The following SHANK2 variants were observed in gnomAD, a reference collection of about 807,000 sequenced individuals.
SHANK2 encodes SH3 and multiple ankyrin repeat domains protein 2.
A neutral mutation model predicts 133.7 loss-of-function variants in SHANK2; 43 were observed. The ratio of observed to expected loss-of-function variants is 0.32; its 90% confidence interval spans 0.25 to 0.41. The LOEUF is 0.41. Among genes scored for constraint, SHANK2 ranks in the 10% least tolerant of loss-of-function variants. The probability of loss-of-function intolerance (pLI) is 1.00; values close to 1 mark genes in which losing one functional copy is unlikely to be tolerated. For synonymous variants in SHANK2, 1,017 were observed against 952.8 expected, an observed-to-expected ratio of 1.07 and a Z score of -1.24; for missense variants, 1,994 against 2,235.8, an observed-to-expected ratio of 0.89 and a Z score of 2.18.
intron 9 of SHANK2, among the ~76,000 whole-genome samples, chr11:71,073,531 A>G (rs1951177544): frequency 6.6e-6 from 1 of 151,082 alleles, no homozygotes; most frequent in South Asian, 2.1e-4. Context: ...CAGTGGCATG[A>G]TCTTGGCTTG....
chr11:71,123,760 C>T lies in SHANK2; in HGVS notation c.208-4728G>A, dbSNP rs150510941. Among the ~76,000 whole-genome samples, 177 of 152,262 alleles carry T rather than the reference C, an allele frequency of 1.2e-3. 2 individuals are homozygous for T. The East Asian group carries it at 0.027, about 23-fold the overall frequency. On this transcript the variant is annotated intron_variant, in intron 3 of 25. Transcript: ENST00000601538. ...TTTGTTAGATGACTCACAGATAGTA[C>T]AGAAAGGATGGCAAAGACAACAGTG...
intron 6 of SHANK2, among the ~76,000 whole-genome samples, chr11:71,103,020 G>T (rs1010504687): frequency 6.6e-6 from 1 of 152,228 alleles, no homozygotes; most frequent in Non-Finnish European, 1.5e-5. Context: ...TGGAAGGAGC[G>T]AGGGAGCTCT....
chr11:71,239,914 C>T (rs75544944), intron 1 of SHANK2, among the ~76,000 whole-genome samples: 10,728 of 152,236 alleles, frequency 0.07, 424 homozygotes, highest in Middle Eastern at 0.13. Context: ...GGCTACGTCT[C>T]GCAGGGCGTC....
At chr11:70,725,425 G>A (rs937859339) in intron 14 of SHANK2, among the ~76,000 whole-genome samples, 1 of 152,190 alleles carries the variant, frequency 6.6e-6, no homozygotes, top group Non-Finnish European at 1.5e-5. Flanking sequence ...GGCTTGCCAG[G>A]GTGCGGTGGC....
At chr11:71,082,756 T>C (rs1951317168) in intron 8 of SHANK2, among the ~76,000 whole-genome samples, 1 of 152,212 alleles carries the variant, frequency 6.6e-6, no homozygotes. Context: ...GAGAAGTCAC[T>C]GTGGCCCGAA....
At chr11:71,130,415 T>C (rs1471254939) in intron 3 of SHANK2, among the ~76,000 whole-genome samples, 1 of 152,214 alleles carries the variant, frequency 6.6e-6, no homozygotes, top group Non-Finnish European at 1.5e-5. Flanking sequence ...CAAGAAGAGT[T>C]TCCTGTGAGA....
At chr11:70,664,706 G>A (rs781950922) in intron 15 of SHANK2, among the ~76,000 whole-genome samples, 3 of 152,216 alleles carry the variant, frequency 2.0e-5, no homozygotes, top group Non-Finnish European at 4.4e-5. Context: ...CATACCCTGC[G>A]ACGGGAACTT....
chr11:71,195,348 C>T (rs770110896), intron 2 of SHANK2, among the ~76,000 whole-genome samples: 48 of 151,796 alleles, frequency 3.2e-4, no homozygotes, highest in South Asian at 4.2e-4. Flanking sequence ...GCCGAGATGG[C>T]GCCACTGCAC....
chr11:71,169,429 T>C (rs1011179346), intron 2 of SHANK2, among the ~76,000 whole-genome samples: 1 of 152,132 alleles, frequency 6.6e-6, no homozygotes, highest in African/African-American at 2.4e-5. Flanking sequence ...CTCCAAAATA[T>C]GTATGTACAT....
At chr11:70,911,379 A>C (rs1555078997) in intron 10 of SHANK2, among the ~76,000 whole-genome samples, 1 of 152,136 alleles carries the variant, frequency 6.6e-6, no homozygotes, top group East Asian at 1.9e-4. Context: ...AAACAAAAAA[A>C]CAAAAAAACA....
chr11:70,604,682 G>T (rs549293269), intron 17 of SHANK2: 1 of 152,402 alleles, frequency 6.6e-6, no homozygotes, highest in Non-Finnish European at 1.5e-5. Context: ...CATACAACAT[G>T]CATTCTACAT....
At chr11:70,672,049 A>ACTTTT (rs1331494071) in intron 15 of SHANK2, among the ~76,000 whole-genome samples, 1 of 139,812 alleles carries the variant, frequency 7.2e-6, no homozygotes, top group African/African-American at 2.7e-5. Flanking sequence ...TCCCCACCAT[A>ACTTTT]CTTTTCTTTT....
intron 17 of SHANK2, among the ~76,000 whole-genome samples, chr11:70,562,165 G>C (rs554032257): frequency 6.6e-6 from 1 of 152,296 alleles, no homozygotes; most frequent in African/African-American, 2.4e-5. Context: ...GCTCACATCT[G>C]TATGACTTGA....
At chr11:70,602,067 G>A (rs2060504896) in intron 17 of SHANK2, among the ~76,000 whole-genome samples, 1 of 152,216 alleles carries the variant, frequency 6.6e-6, no homozygotes, top group African/African-American at 2.4e-5. Context: ...TGCTGTCCTT[G>A]CAATAGTGAG....
intron 2 of SHANK2, among the ~76,000 whole-genome samples, chr11:71,196,103 A>T (rs1377948469): frequency 6.6e-6 from 1 of 152,026 alleles, no homozygotes; most frequent in African/African-American, 2.4e-5. Flanking sequence ...GGATTCCTTG[A>T]GCCCAGGAGT....
chr11:70,718,874 G>A (rs1387964277), intron 14 of SHANK2, among the ~76,000 whole-genome samples: 5 of 152,142 alleles, frequency 3.3e-5, no homozygotes, highest in African/African-American at 1.2e-4. Flanking sequence ...CAGGGAGGCA[G>A]CCTGGACTGA....
intron 22 of SHANK2, among the ~76,000 whole-genome samples, chr11:70,491,734 G>A (rs995548301): frequency 6.6e-6 from 1 of 152,226 alleles, no homozygotes; most frequent in Non-Finnish European, 1.5e-5. Flanking sequence ...CCTTGTTCAG[G>A]ACGTGCCTGG....
chr11:70,552,193 G>C (rs1318936092), intron 17 of SHANK2, among the ~76,000 whole-genome samples: 2 of 152,160 alleles, frequency 1.3e-5, no homozygotes, highest in African/African-American at 4.8e-5. Flanking sequence ...AGTTGGAAGG[G>C]GCAACCGGCA....
intron 13 of SHANK2, 100 bp from the exon 14 acceptor site, chr11:70,798,656 C>A: frequency 1.5e-6 from 1 of 674,706 alleles, no homozygotes; most frequent in Non-Finnish European, 2.8e-6. Flanking sequence ...AGAATCAGCG[C>A]ACCCCTGGCC....
Sources: allele counts gnomAD v4.1 joint callset (sites outside exome capture counted in the v4.1 genomes callset), GRCh38; gene constraint gnomAD v4.1.1; transcripts MANE v1.5; gene names NCBI Gene and HGNC (gene_info 2026-07-23, HGNC 2026-07-21).